Variants in COPG1 observed in about 807,000 individuals in gnomAD.
The protein encoded by COPG1 is coat protein complex I subunit gamma 1.
Under a neutral mutation model 102.8 loss-of-function variants are expected in COPG1, and 29 were observed. That is an observed-to-expected ratio of 0.28 (90% CI 0.21 to 0.38). The LOEUF (loss-of-function observed/expected upper bound fraction) is 0.38, where lower values mean the gene tolerates loss of function less well. Ranked by LOEUF, COPG1 falls within the 10% of genes least tolerant of loss-of-function variation. The probability of loss-of-function intolerance (pLI) is 1.00; values close to 1 mark genes in which losing one functional copy is unlikely to be tolerated. For synonymous variants in COPG1, 406 were observed against 421.6 expected, an observed-to-expected ratio of 0.96 and a Z score of 0.45; for missense variants, 875 against 1,132.7, an observed-to-expected ratio of 0.77 and a Z score of 3.27.
At chr3:129,260,249 G>T in intron 10 of COPG1, 84 bp from the exon 11 acceptor site, 1 of 1,256,428 alleles carries the variant, frequency 8.0e-7, no homozygotes, top group East Asian at 2.3e-5. Context: ...TGAGCAGAGG[G>T]TTTGAGTCAG....
intron 13 of COPG1, among the ~76,000 whole-genome samples, chr3:129,264,240 GC>G (rs1940008881): frequency 6.6e-6 from 1 of 152,236 alleles, no homozygotes; most frequent in Admixed American, 6.5e-5. Context: ...CTGAGGTGAT[GC>G]TTGTGCAGAA....
In COPG1 at chr3:129,271,721, G is replaced by A; in HGVS notation, c.1844-46G>A. 3 of 1,607,624 alleles carry A rather than the reference G, an allele frequency of 1.9e-6. No individual in the cohort carries two copies. In the East Asian group the frequency reaches 6.7e-5, roughly 36 times the overall value. On this transcript the variant is annotated intron_variant, in intron 18 of 23. Transcript: ENST00000314797. This position sits in a 1 kb window ranked among gnomAD's most constrained non-coding sequence, Gnocchi z 4.7. Reference sequence around the variant, plus strand: ...ATTTATTAGAAACCATCAACAAGTTGGTCTGGGGATCGAGAAGCTGAGTGA... The same window carrying A: ...ATTTATTAGAAACCATCAACAAGTTAGTCTGGGGATCGAGAAGCTGAGTGA...
chr3:129,252,879 A>T lies in COPG1; in HGVS notation c.247A>T (p.Thr83Ser), dbSNP rs773532595. 5 of 1,614,072 alleles carry T rather than the reference A, an allele frequency of 3.1e-6. No homozygotes were observed. The highest frequency in any genetic ancestry group is 4.2e-6 in the Non-Finnish European group (5 of 1,179,968). ...MTKLFQSNDP[T>S]LRRMCYLTIK... is the part of the protein sequence containing the mutation. ...GCTTTTCCCACCTATCTCCCAGCCC[A>T]CACTCCGTCGGATGTGCTACTTGAC... The change falls in exon 5 of 24, where the codon ACA (threonine) becomes TCA (serine). Residue 83 changes from threonine (T) to serine (S), a missense_variant. Thr to Ser is a moderately conservative substitution (Grantham distance 58). Transcript: ENST00000314797.
intron 16 of COPG1, among the ~76,000 whole-genome samples, chr3:129,268,257 A>T (rs962787440): frequency 3.9e-5 from 6 of 152,196 alleles, no homozygotes; most frequent in Admixed American, 6.5e-5. Flanking sequence ...TCATTAATAA[A>T]AACTTTATTT....
intron 12 of COPG1, among the ~76,000 whole-genome samples, chr3:129,261,616 A>G (rs927731477): frequency 1.5e-4 from 22 of 150,342 alleles, no homozygotes; most frequent in African/African-American, 5.4e-4. Flanking sequence ...GCACCCCTCC[A>G]TCAACCCTCT....
At chr3:129,266,509 A>G (rs1940064377) in intron 14 of COPG1, among the ~76,000 whole-genome samples, 1 of 152,174 alleles carries the variant, frequency 6.6e-6, no homozygotes, top group African/African-American at 2.4e-5. Context: ...TTCACATGCC[A>G]TAAAATTCAC....
chr3:129,256,073 G>A lies in COPG1; in HGVS notation c.498G>A (p.Leu166=). ...ATGTGTCCTGTTGCCCACAGCACCT[G>A]CTGAAGTGCAGCTTTGACGTGGTCA... The part of the protein sequence containing the change: ...SSSALVSSLH[L]LKCSFDVVKR... Residue 166 remains leucine (L), a synonymous_variant, in exon 8 of 24, where the codon CTG becomes CTA. Transcript: ENST00000314797. The A allele has an allele frequency of 2.5e-6, 4 of 1,613,722 alleles. No homozygotes were observed. The highest frequency in any genetic ancestry group is 1.7e-6 in the Non-Finnish European group (2 of 1,179,770).
intron 13 of COPG1, 25 bp downstream of exon 13, chr3:129,264,024 A>G (rs753145959): frequency 1.9e-6 from 3 of 1,589,786 alleles, no homozygotes; most frequent in Non-Finnish European, 2.6e-6. Context: ...CATTCGGGGG[A>G]TGCCAGGTCT....
At chr3:129,252,746 G>A (rs1939725985) in intron 4 of COPG1, 52 bp downstream of exon 4, 4 of 1,575,706 alleles carry the variant, frequency 2.5e-6, no homozygotes, top group Non-Finnish European at 3.5e-6. Flanking sequence ...TAACAAGGTG[G>A]TGGGAGGGCC....
In COPG1 at chr3:129,263,876, G is replaced by A; in HGVS notation, c.1129-28G>A. The A allele has an allele frequency of 3.1e-6, 5 of 1,600,474 alleles. No homozygotes were observed. In the South Asian group the frequency reaches 5.5e-5, roughly 18 times the overall value. On this transcript the variant is annotated intron_variant, in intron 12 of 23. Transcript: ENST00000314797. ...TCACCCCATCTTGGTGGCAGGGCCT[G>A]CTGCTCATGCACGTCTATTTCATTT...
chr3:129,257,595 G>C lies in COPG1; in HGVS notation c.705G>C (p.Val235=). The C allele has an allele frequency of 6.2e-7, 1 of 1,614,206 alleles. No homozygotes were observed. The highest frequency in any genetic ancestry group is 8.5e-7 in the Non-Finnish European group (1 of 1,180,040). ...TTGCCTACTGCATGATGATCCGGGT[G>C]GCCAGCAAGCAGCTGGAAGAGGAGG... ...SPFAYCMMIR[V]ASKQLEEEDG... Residue 235 remains valine, a synonymous_variant, in exon 9 of 24, where the codon GTG becomes GTC. Transcript: ENST00000314797.
At position 129,257,781 on chromosome 3, in the gene COPG1, G is replaced by C; in HGVS notation, c.792G>C (p.Glu264Asp). 1 of 1,614,216 alleles carries C rather than the reference G, an allele frequency of 6.2e-7. No individual in the cohort carries two copies. The highest frequency in any genetic ancestry group is 8.5e-7 in the Non-Finnish European group (1 of 1,180,036). ...FIESCLRNKH[E>D]MVVYEAASAI... ...AGAGCTGCTTGCGCAACAAGCACGA[G>C]ATGGTGGTGTATGAAGCCGCCTCGG... Residue 264 changes from glutamate (E) to aspartate (D), a missense_variant, in exon 10 of 24, where the codon GAG (glutamate) becomes GAC (aspartate). Transcript: ENST00000314797.
chr3:129,273,568 T>C (rs1011171063), intron 21 of COPG1, among the ~76,000 whole-genome samples: 3 of 152,252 alleles, frequency 2.0e-5, no homozygotes, highest in African/African-American at 7.2e-5. Context: ...ATTTTTTTAG[T>C]GGATTTAAAA....
Position 129,275,127 on chromosome 3 carries a change from TGGG to T in COPG1, c.2396-64_2396-62del, listed in dbSNP as rs112616452. 4.8e-4 allele frequency: 731 copies of T among 1,513,668 alleles called. 5 individuals carry two copies. The African/African-American group carries it at 8.7e-3, about 18-fold the overall frequency. The allele number at this position is 1,513,668 out of a possible 1,614,324, so 93.8% of individuals were successfully genotyped here. ...ACTTCATTAAAAGCCCTTCAGAACA[TGGG>T]GGAGTGGTGGTGGCACAAAGGGCAG... On this transcript the variant is annotated intron_variant, in intron 22 of 23. Transcript: ENST00000314797. The surrounding 1 kb of genome is among the most constrained non-coding windows in gnomAD (Gnocchi z 5.0).
Position 129,265,803 on chromosome 3 carries a change from G to A in COPG1, c.1468+11G>A, listed in dbSNP as rs1323959452. The A allele has an allele frequency of 6.2e-7, 1 of 1,611,688 alleles. No homozygotes were observed. Among genetic ancestry groups the A allele is most frequent in the Admixed American group, 1.7e-5 (1 of 59,910 alleles). On this transcript the variant is annotated intron_variant, in intron 14 of 23. Coordinates refer to ENST00000314797, the MANE Select transcript of COPG1 (RefSeq NM_016128.4). ...AGGAGGTCCGGGCAGGTAGGTCTGA[G>A]CCAGGGCTGAACTTGGAAACTTAGC...
chr3:129,260,597 T>C (rs780369112), intron 11 of COPG1, 22 bp from the exon 12 acceptor site: 6 of 1,612,304 alleles, frequency 3.7e-6, no homozygotes, highest in Non-Finnish European at 4.2e-6. Context: ...CTGCCCTCTC[T>C]GTCACTGTCC....
rs113117148 is a variant in COPG1, at chr3:129,251,269, A to G, written c.90+535A>G. Among the ~76,000 whole-genome samples the G allele has an allele frequency of 9.8e-3, 1,480 of 151,250 alleles. 23 individuals carry two copies. Among genetic ancestry groups the G allele is most frequent in the African/African-American group, 0.034 (1,397 of 41,304 alleles). ...AATTTCTCTATTTAAAGTTAATTCC[A>G]AAGCTAAGGAAACTGGTTTAAAACT... On this transcript the variant is annotated intron_variant, in intron 2 of 23. Transcript: ENST00000314797.
In COPG1 at chr3:129,250,707, C is replaced by T; in HGVS notation, c.63C>T (p.His21=). Residue 21 remains histidine, a synonymous_variant, in exon 2 of 24, where the codon CAC becomes CAT. Coordinates refer to ENST00000314797, the MANE Select transcript of COPG1 (RefSeq NM_016128.4). Reference sequence around the variant, plus strand: ...GTGGAGGCTCCAACCCATTCCAGCACCTTGAGAAGAGTGCGGTACTCCAGG... The same window carrying T: ...GTGGAGGCTCCAACCCATTCCAGCATCTTGAGAAGAGTGCGGTACTCCAGG... ...ESGGGSNPFQ[H]LEKSAVLQEA... 6.2e-7 allele frequency: 1 copy of T among 1,614,112 alleles called. No homozygotes were observed. The highest frequency in any genetic ancestry group is 8.5e-7 in the Non-Finnish European group (1 of 1,180,010).
chr3:129,275,395 C>A lies in COPG1; in HGVS notation c.2494+103C>A. 1 of 793,212 alleles carries A rather than the reference C, an allele frequency of 1.3e-6. No homozygotes were observed. The highest frequency in any genetic ancestry group is 2.1e-6 in the Non-Finnish European group (1 of 483,116). 49.1% of individuals were successfully genotyped at this position (793,212 alleles called of 1,614,324 possible). A position where few individuals can be genotyped will look rare whatever the true frequency, so the allele number is the denominator to read the frequency against. On this transcript the variant is annotated intron_variant, in intron 23 of 23. Transcript: ENST00000314797. The surrounding 1 kb of genome is among the most constrained non-coding windows in gnomAD (Gnocchi z 5.0). ...ACTGTAAATATGGGGAGTCAAAATT[C>A]ACAGCATTTAAAATTCACAAAGTAT...
Sources: gnomAD v4.1 joint callset for allele counts (sites outside exome capture counted in the v4.1 genomes callset) on GRCh38, gnomAD v4.1.1 for gene constraint, Gnocchi (gnomAD v3.1) non-coding constraint, MANE v1.5 for transcripts, NCBI Gene and HGNC (gene_info 2026-07-23, HGNC 2026-07-21) for gene names.